HM13: variants seen among roughly 807,000 people sequenced by gnomAD.
The protein encoded by HM13 is signal peptide peptidase.
In HM13, 18 loss-of-function variants were observed where a neutral mutation model predicts 50.0. That is an observed-to-expected ratio of 0.36 (90% CI 0.25 to 0.53). The LOEUF (loss-of-function observed/expected upper bound fraction) is 0.53. Ranked by LOEUF, HM13 falls within the 20% of genes least tolerant of loss-of-function variation. HM13 has a pLI of 0.90. For synonymous variants in HM13, 197 were observed against 232.6 expected, an observed-to-expected ratio of 0.85 and a Z score of 1.39; for missense variants, 393 against 552.4, an observed-to-expected ratio of 0.71 and a Z score of 2.89.
intron 3 of HM13, among the ~76,000 whole-genome samples, chr20:31,543,907 C>T (rs997461819): frequency 1.3e-5 from 2 of 151,932 alleles, no homozygotes; most frequent in Non-Finnish European, 2.9e-5. Context: ...GCATTCCAGC[C>T]TGGGCGACAG....
chr20:31,539,357 G>C (rs1600640350), intron 3 of HM13: 1 of 985,460 alleles, frequency 1.0e-6, no homozygotes, highest in South Asian at 4.7e-5. Context: ...AGGTGGCCAG[G>C]GTTCCCAGAA....
At chr20:31,534,325 A>G (rs764345993) in intron 2 of HM13, among the ~76,000 whole-genome samples, 1 of 152,142 alleles carries the variant, frequency 6.6e-6, no homozygotes, top group Non-Finnish European at 1.5e-5. Context: ...GAGGAGCTCC[A>G]AGGAAGCCAC....
chr20:31,552,477 G>T (rs1984083707), intron 7 of HM13, among the ~76,000 whole-genome samples: 1 of 152,218 alleles, frequency 6.6e-6, no homozygotes, highest in African/African-American at 2.4e-5. Flanking sequence ...GAGCAGGGAA[G>T]TGGTGCTGTC....
At chr20:31,547,766 A>T in intron 4 of HM13, 1 of 963,750 alleles carries the variant, frequency 1.0e-6, no homozygotes, top group Non-Finnish European at 1.6e-6. Flanking sequence ...CTTCACAAAT[A>T]CCCTTTTATC....
At chr20:31,515,573 C>T (rs1000344687) in intron 1 of HM13, among the ~76,000 whole-genome samples, 11 of 152,098 alleles carry the variant, frequency 7.2e-5, no homozygotes, top group Admixed American at 2.6e-4. Context: ...ACCCCCAAGA[C>T]AATCCCCCCA....
chr20:31,561,611 C>T (rs1341319345), intron 9 of HM13, 23 bp from the exon 10 acceptor site: 1 of 1,531,488 alleles, frequency 6.5e-7, no homozygotes, highest in African/African-American at 1.4e-5. Flanking sequence ...CCCTCCTCCT[C>T]TTTCTTCACA....
Position 31,514,870 on chromosome 20 carries a change from C to A in HM13, c.183+136C>A. 1 of 918,686 alleles carries A rather than the reference C, an allele frequency of 1.1e-6. No homozygotes were observed. Among genetic ancestry groups the A allele is most frequent in the Non-Finnish European group, 1.5e-6 (1 of 646,976 alleles). 56.9% of individuals were successfully genotyped at this position (918,686 alleles called of 1,614,324 possible). A position where few individuals can be genotyped will look rare whatever the true frequency, so the allele number is the denominator to read the frequency against. ...CCCTGATCACCACCGTTCCCTCTGT[C>A]TCGGGCCCACATTCCGGGGCTGGCA... On this transcript the variant is annotated intron_variant, in intron 1 of 12. Coordinates refer to ENST00000398174, the MANE Select transcript of HM13 (RefSeq NM_178581.3). This position sits in a 1 kb window ranked among gnomAD's most constrained non-coding sequence, Gnocchi z 4.3.
At chr20:31,518,612 C>T (rs1482916746) in intron 1 of HM13, among the ~76,000 whole-genome samples, 1 of 151,796 alleles carries the variant, frequency 6.6e-6, no homozygotes, top group Non-Finnish European at 1.5e-5. Context: ...TGCCACTGCA[C>T]TCCAGCCTGG....
intron 5 of HM13, 33 bp downstream of exon 5, chr20:31,549,147 AT>A: frequency 6.2e-7 from 1 of 1,613,716 alleles, no homozygotes; most frequent in Non-Finnish European, 8.5e-7. Context: ...GAAGGGGAGG[AT>A]GGGGTTGACA....
intron 1 of HM13, among the ~76,000 whole-genome samples, chr20:31,525,580 A>G (rs893835021): frequency 1.3e-5 from 2 of 152,128 alleles, no homozygotes; most frequent in Non-Finnish European, 2.9e-5. Context: ...TTTGGTAGCC[A>G]TGATATAAAA....
At chr20:31,547,663 C>T in intron 4 of HM13, 2 of 1,525,594 alleles carry the variant, frequency 1.3e-6, no homozygotes, top group Non-Finnish European at 8.9e-7. Flanking sequence ...CAAAATAGTC[C>T]GATGCCACGA....
chr20:31,523,316 T>G (rs1208802051), intron 1 of HM13, among the ~76,000 whole-genome samples: 2 of 150,436 alleles, frequency 1.3e-5, no homozygotes, highest in African/African-American at 2.5e-5. Flanking sequence ...AGGCTGGAGT[T>G]CAGTGGCTCA....
chr20:31,519,669 T>A (rs1982028940), intron 1 of HM13, among the ~76,000 whole-genome samples: 1 of 152,200 alleles, frequency 6.6e-6, no homozygotes, highest in African/African-American at 2.4e-5. Flanking sequence ...CTGGTGATTC[T>A]GATGCATGCT....
chr20:31,569,370 C>T lies in HM13; in HGVS notation c.*151C>T, dbSNP rs1985134113. 1 of 524,216 alleles carries T rather than the reference C, an allele frequency of 1.9e-6. No homozygotes were observed. The highest frequency in any genetic ancestry group is 3.1e-5 in the South Asian group (1 of 32,074). 32.5% of individuals were successfully genotyped at this position (524,216 alleles called of 1,614,324 possible). A position where few individuals can be genotyped will look rare whatever the true frequency, so the allele number is the denominator to read the frequency against. On this transcript the variant is annotated 3_prime_UTR_variant, in exon 13 of 13. Coordinates refer to ENST00000398174, the MANE Select transcript of HM13 (RefSeq NM_178581.3). Reference sequence around the variant, plus strand: ...ATACCTCCAGCCAGGCCTCTGTGGCCTCTGTTTCCTTCTCCCTTTCTTGGC... The same window carrying T: ...ATACCTCCAGCCAGGCCTCTGTGGCTTCTGTTTCCTTCTCCCTTTCTTGGC...
At chr20:31,525,525 A>G (rs1244015018) in intron 1 of HM13, among the ~76,000 whole-genome samples, 1 of 152,206 alleles carries the variant, frequency 6.6e-6, no homozygotes, top group Non-Finnish European at 1.5e-5. Context: ...TACTATGGAA[A>G]GAACTTCAGC....
At chr20:31,566,109 A>G in intron 10 of HM13, 101 bp from the exon 11 acceptor site, 1 of 819,208 alleles carries the variant, frequency 1.2e-6, no homozygotes, top group Non-Finnish European at 2.0e-6. Context: ...TGGACCAGTC[A>G]CTGTCCTTCA....
chr20:31,540,619 C>G (rs930738041), intron 3 of HM13: 1 of 152,010 alleles, frequency 6.6e-6, no homozygotes, highest in Non-Finnish European at 1.5e-5. Flanking sequence ...ATCTTGACAC[C>G]AAAGACTTTT....
chr20:31,514,497 T>C lies in HM13; in HGVS notation c.-55T>C, dbSNP rs1254437214. On this transcript the variant is annotated 5_prime_UTR_variant, in exon 1 of 13. Coordinates refer to ENST00000398174, the MANE Select transcript of HM13 (RefSeq NM_178581.3). This position sits in a 1 kb window ranked among gnomAD's most constrained non-coding sequence, Gnocchi z 4.3. ...TCCCTGCAGAGCCGGTGTCTCCGCCTGCGTCCCTGCTGCAGCAACCGGAGC... is the reference window on the plus strand; with the variant it reads ...TCCCTGCAGAGCCGGTGTCTCCGCCCGCGTCCCTGCTGCAGCAACCGGAGC... 4 of 1,555,622 alleles carry C rather than the reference T, an allele frequency of 2.6e-6. No homozygotes were observed. The highest frequency in any genetic ancestry group is 3.5e-6 in the Non-Finnish European group (4 of 1,148,618).
At chr20:31,569,079 T>C (rs749554964) in intron 12 of HM13, 41 bp from the exon 13 acceptor site, 1 of 1,416,888 alleles carries the variant, frequency 7.1e-7, no homozygotes, top group African/African-American at 1.5e-5. Context: ...CACCCTCTCC[T>C]CTAAATGAAT....
Sources: gnomAD v4.1 joint callset for allele counts (sites outside exome capture counted in the v4.1 genomes callset) on GRCh38, gnomAD v4.1.1 for gene constraint, Gnocchi (gnomAD v3.1) non-coding constraint, MANE v1.5 for transcripts, NCBI Gene and HGNC (gene_info 2026-07-23, HGNC 2026-07-21) for gene names.